The following SPA17 variants were observed in gnomAD, a reference collection of about 807,000 sequenced individuals.
SPA17 encodes the protein sperm surface protein Sp17.
In SPA17, 7 loss-of-function variants were observed where a neutral mutation model predicts 13.8. That is an observed-to-expected ratio of 0.51 (90% confidence interval 0.29 to 0.95). The LOEUF is 0.95. Among genes scored for constraint, SPA17 ranks in the 40% least tolerant of loss-of-function variants. The pLI is 0.08. For synonymous variants in SPA17, 61 were observed against 59.0 expected (o/e 1.03, Z -0.16); for missense variants, 170 against 179.3 (o/e 0.95, Z 0.30).
chr11:124,675,503 C>A, intron 2 of SPA17, 85 bp downstream of exon 2: 1 of 1,449,016 alleles, frequency 6.9e-7, no homozygotes, highest in South Asian at 1.4e-5. Context: ...CATCTCCATT[C>A]TGCAGAAAGC....
chr11:124,691,803 A>G (rs777838632), intron 4 of SPA17, 21 bp downstream of exon 4: 1 of 1,507,566 alleles, frequency 6.6e-7, no homozygotes, highest in Non-Finnish European at 9.1e-7. Context: ...TTTTTCATGT[A>G]CTATTGGATT....
chr11:124,677,146 C>A (rs1383197072), intron 2 of SPA17, among the ~76,000 whole-genome samples: 1 of 152,112 alleles, frequency 6.6e-6, no homozygotes, highest in Non-Finnish European at 1.5e-5. Flanking sequence ...ATGGGTAAAA[C>A]CATTTGAAAA....
At chr11:124,679,998 A>G (rs1943512407) in intron 2 of SPA17, among the ~76,000 whole-genome samples, 1 of 152,230 alleles carries the variant, frequency 6.6e-6, no homozygotes, top group Non-Finnish European at 1.5e-5. Context: ...ATTATTCTGA[A>G]AACTGGTAAA....
At chr11:124,682,871 A>G (rs1046818735) in intron 3 of SPA17, among the ~76,000 whole-genome samples, 1 of 151,604 alleles carries the variant, frequency 6.6e-6, no homozygotes, top group African/African-American at 2.4e-5. Flanking sequence ...ATCCAGATAT[A>G]GGCGGTGCAG....
intron 4 of SPA17, among the ~76,000 whole-genome samples, chr11:124,693,879 T>C (rs73609548): frequency 0.015 from 2,353 of 152,316 alleles, 55 homozygotes; most frequent in African/African-American, 0.052. Context: ...TAACTAATCA[T>C]TGAGAAATTG....
In SPA17 at chr11:124,673,944, A is replaced by T. The variant is rs1308491066; in HGVS notation, c.-36A>T. The T allele has an allele frequency of 3.5e-6, 2 of 577,508 alleles. No individual in the cohort carries two copies. Among genetic ancestry groups the T allele is most frequent in the Non-Finnish European group, 6.2e-6 (2 of 325,134 alleles). 35.8% of individuals were successfully genotyped at this position (577,508 alleles called of 1,614,324 possible). A position where few individuals can be genotyped will look rare whatever the true frequency, so the allele number is the denominator to read the frequency against. On this transcript the variant is annotated 5_prime_UTR_variant, in exon 1 of 5. Coordinates refer to ENST00000227135, the MANE Select transcript of SPA17 (RefSeq NM_017425.4). The stretch of plus-strand genomic sequence containing the variant: ...CGGAACCGGCGGCACCAGCTCGGAG[A>T]GAAAGGAGGTGAGGCCGCTTCCCCA...
intron 1 of SPA17, chr11:124,674,320 T>C (rs1943428012): frequency 6.6e-6 from 1 of 152,136 alleles, no homozygotes; most frequent in East Asian, 1.9e-4. Context: ...GGATCATCGC[T>C]GGAGCCCAGG....
chr11:124,682,368 C>A (rs566674539), intron 3 of SPA17, among the ~76,000 whole-genome samples: 2 of 152,064 alleles, frequency 1.3e-5, no homozygotes, highest in Non-Finnish European at 2.9e-5. Flanking sequence ...CACAACAGTT[C>A]TCCACTAATA....
chr11:124,693,163 T>C (rs1337360295), intron 4 of SPA17, among the ~76,000 whole-genome samples: 3 of 152,196 alleles, frequency 2.0e-5, no homozygotes, highest in African/African-American at 7.2e-5. Context: ...AACTTGAGTG[T>C]ATTTGTTTGC....
At chr11:124,693,017 A>G (rs1176557464) in intron 4 of SPA17, among the ~76,000 whole-genome samples, 2 of 152,208 alleles carry the variant, frequency 1.3e-5, no homozygotes, top group Non-Finnish European at 2.9e-5. Flanking sequence ...ATAACATTAC[A>G]TTAGGATATA....
At chr11:124,682,444 T>C (rs142231659) in intron 3 of SPA17, among the ~76,000 whole-genome samples, 73 of 152,190 alleles carry the variant, frequency 4.8e-4, no homozygotes, top group Non-Finnish European at 9.0e-4. Flanking sequence ...TTTTTAAATA[T>C]GGTCAGTGAG....
Position 124,695,349 on chromosome 11 carries a change from T to C in SPA17, c.*903T>C, listed in dbSNP as rs1380214642. ...ATATTGTAAAAAGCAAAAGCTATCATATCATGCTGCCTTCTTCAGTTAAAA... is the reference window on the plus strand; with the variant it reads ...ATATTGTAAAAAGCAAAAGCTATCACATCATGCTGCCTTCTTCAGTTAAAA... On this transcript the variant is annotated 3_prime_UTR_variant, in exon 5 of 5. Coordinates refer to ENST00000227135, the MANE Select transcript of SPA17 (RefSeq NM_017425.4). The C allele has an allele frequency of 6.6e-6, 1 of 152,230 alleles. No homozygotes were observed. The highest frequency in any genetic ancestry group is 1.5e-5 in the Non-Finnish European group (1 of 68,044). The allele number at this position is 152,230 out of a possible 1,614,324, so 9.4% of individuals were successfully genotyped here.
intron 3 of SPA17, among the ~76,000 whole-genome samples, chr11:124,688,598 G>T (rs1943596749): frequency 6.6e-6 from 1 of 152,120 alleles, no homozygotes; most frequent in Non-Finnish European, 1.5e-5. Flanking sequence ...ACAAGCAAAT[G>T]GAAAAGCATC....
intron 2 of SPA17, among the ~76,000 whole-genome samples, chr11:124,676,845 G>A (rs1219242577): frequency 6.6e-6 from 1 of 152,084 alleles, no homozygotes; most frequent in Non-Finnish European, 1.5e-5. Context: ...CCTTAACACA[G>A]AGTTTAACCA....
In SPA17 at chr11:124,675,328, G is replaced by C; in HGVS notation, c.64G>C (p.Gly22Arg). 1.2e-6 allele frequency: 2 copies of C among 1,614,186 alleles called. No homozygotes were observed. The highest frequency in any genetic ancestry group is 1.7e-6 in the Non-Finnish European group (2 of 1,180,040). ...ACAAGGATTTGGGAATCTTCTTGAAGGGCTGACACGCGAGATTCTGAGAGA... is the reference window on the plus strand; with the variant it reads ...ACAAGGATTTGGGAATCTTCTTGAACGGCTGACACGCGAGATTCTGAGAGA... The part of the protein sequence containing the change: ...IPQGFGNLLE[G>R]LTREILREQP... Residue 22 changes from glycine to arginine, a missense_variant, in exon 2 of 5, where the codon GGG (glycine) becomes CGG (arginine). By Grantham distance (125) the Gly-to-Arg change is moderately radical. Coordinates refer to ENST00000227135, the MANE Select transcript of SPA17 (RefSeq NM_017425.4).
intron 3 of SPA17, among the ~76,000 whole-genome samples, chr11:124,685,586 A>G (rs1412541711): frequency 6.6e-6 from 1 of 152,172 alleles, no homozygotes; most frequent in South Asian, 2.1e-4. Context: ...CTAGAGTGGT[A>G]GATCCACCAA....
At position 124,694,421 on chromosome 11, in the gene SPA17, A is replaced by G. The variant is rs1406478069; in HGVS notation, c.431A>G (p.Asn144Ser). 6.2e-7 allele frequency: 1 copy of G among 1,612,846 alleles called. No homozygotes were observed. Among genetic ancestry groups the G allele is most frequent in the Non-Finnish European group, 8.5e-7 (1 of 1,179,688 alleles). ...AKKMKTNSLQ[N>S]EEKEENK is the part of the protein sequence containing the mutation. Reference sequence around the variant, plus strand: ...AAAATGAAAACAAATAGTCTTCAAAATGAGGAAAAAGAGGAAAACAAGTGA... The same window carrying G: ...AAAATGAAAACAAATAGTCTTCAAAGTGAGGAAAAAGAGGAAAACAAGTGA... Residue 144 changes from asparagine (N) to serine (S), a missense_variant, in exon 5 of 5, where the codon AAT becomes AGT. By Grantham distance (46) the Asn-to-Ser change is conservative (BLOSUM62 1). Transcript: ENST00000227135.
At chr11:124,690,189 T>C (rs1457622024) in intron 3 of SPA17, among the ~76,000 whole-genome samples, 2 of 152,192 alleles carry the variant, frequency 1.3e-5, no homozygotes, top group African/African-American at 2.4e-5. Flanking sequence ...CCATTCACAA[T>C]AGCAAAGATA....
chr11:124,695,127 A>C lies in SPA17; in HGVS notation c.*681A>C, dbSNP rs547119041. 1.3e-5 allele frequency: 2 copies of C among 152,870 alleles called. No homozygotes were observed. The highest frequency in any genetic ancestry group is 4.8e-5 in the African/African-American group (2 of 41,460). 9.5% of individuals were successfully genotyped at this position (152,870 alleles called of 1,614,324 possible). On this transcript the variant is annotated 3_prime_UTR_variant, in exon 5 of 5. Transcript: ENST00000227135. ...GTCTCAAAAACAAAACAAAACAAAA[A>C]AAAGCCTCTGCCTCCTTGTAAGTTT...
Sources: allele counts gnomAD v4.1 joint callset (sites outside exome capture counted in the v4.1 genomes callset), GRCh38; gene constraint gnomAD v4.1.1; transcripts MANE v1.5; gene names NCBI Gene and HGNC (gene_info 2026-07-23, HGNC 2026-07-21).